LRRC47: variants seen among roughly 807,000 people sequenced by gnomAD.
LRRC47 encodes the protein leucine rich repeat containing 47.
A neutral mutation model predicts 40.9 loss-of-function variants in LRRC47; 31 were observed. That is an observed-to-expected ratio of 0.76 (90% CI 0.57 to 1.02). LRRC47 has a LOEUF of 1.02. LRRC47 is among the 50% of genes least tolerant of loss of function. LRRC47 has a pLI of 0.00. For synonymous variants in LRRC47, 427 were observed against 371.9 expected, an observed-to-expected ratio of 1.15 and a Z score of -1.70; for missense variants, 726 against 796.1, an observed-to-expected ratio of 0.91 and a Z score of 1.06.
At chr1:3,789,244 C>T (rs1643605122) in intron 1 of LRRC47, among the ~76,000 whole-genome samples, 1 of 152,270 alleles carries the variant, frequency 6.6e-6, no homozygotes, top group Admixed American at 6.5e-5. Flanking sequence ...TTAGAACCAG[C>T]CTGGGCCACC....
At position 3,780,369 on chromosome 1, in the gene LRRC47, T is replaced by C. The variant is rs1395389522; in HGVS notation, c.*719A>G. The C allele has an allele frequency of 1.3e-5, 2 of 152,176 alleles. No individual in the cohort carries two copies. The highest frequency in any genetic ancestry group is 1.9e-4 in the East Asian group (1 of 5,182). 9.4% of individuals were successfully genotyped at this position (152,176 alleles called of 1,614,324 possible). On this transcript the variant is annotated 3_prime_UTR_variant, in exon 7 of 7. Coordinates refer to ENST00000378251, the MANE Select transcript of LRRC47 (RefSeq NM_020710.3). ...ATTCCAAACACACTGCACGAGAATA[T>C]TGTGGATCCGCTGTCAGGTAAGTGT...
chr1:3,781,193 C>T lies in LRRC47; in HGVS notation c.1647G>A (p.Val549=), dbSNP rs1643516304. 6.2e-7 allele frequency: 1 copy of T among 1,614,044 alleles called. No individual in the cohort carries two copies. Among genetic ancestry groups the T allele is most frequent in the Non-Finnish European group, 8.5e-7 (1 of 1,180,032 alleles). The change falls in exon 7 of 7, where the codon GTG becomes GTA. Residue 549 remains valine (V), a synonymous_variant. Transcript: ENST00000378251. ...SAGKDGPSLL[V]VEQVRVVDLE... is the part of the protein sequence containing the mutation. ...GATCCACCACCCGGACCTGCTCCACCACCAGAAGGGAGGGCCCGTCCTTTC... is the reference window on the plus strand; with the variant it reads ...GATCCACCACCCGGACCTGCTCCACTACCAGAAGGGAGGGCCCGTCCTTTC...
Position 3,796,486 on chromosome 1 carries a change from G to A in LRRC47, c.-10C>T, listed in dbSNP as rs947911068. ...CCGCTGCCGCCGCCATGGCGCCTCA[G>A]CTGCTGGCAGGCACCCACCCACCAG... On this transcript the variant is annotated 5_prime_UTR_variant, in exon 1 of 7. Transcript: ENST00000378251. 62 of 1,502,898 alleles carry A rather than the reference G, an allele frequency of 4.1e-5. No homozygotes were observed. Among genetic ancestry groups the A allele is most frequent in the Non-Finnish European group, 5.1e-5 (58 of 1,134,692 alleles). The allele number at this position is 1,502,898 out of a possible 1,614,324, so 93.1% of individuals were successfully genotyped here. A position where few individuals can be genotyped will look rare whatever the true frequency, so the allele number is the denominator to read the frequency against.
intron 6 of LRRC47, 73 bp downstream of exon 6, chr1:3,781,439 G>A (rs552892606): frequency 1.8e-4 from 290 of 1,570,822 alleles, no homozygotes; most frequent in Non-Finnish European, 2.3e-4. Context: ...CAAGCAGGAC[G>A]GGTGGGAAGT....
chr1:3,784,787 G>A (rs1354245182), intron 3 of LRRC47, among the ~76,000 whole-genome samples: 1 of 152,238 alleles, frequency 6.6e-6, no homozygotes, highest in African/African-American at 2.4e-5. Context: ...CCTGAGGCCT[G>A]GAGTTTGAGA....
At position 3,796,468 on chromosome 1, in the gene LRRC47, C is replaced by G; in HGVS notation, c.9G>C (p.Ala3=). MA[A]AAVSESWPEL... is the part of the protein sequence containing the mutation. The stretch of plus-strand genomic sequence containing the variant: ...CCGGCCAAGACTCTGACACCGCTGC[C>G]GCCGCCATGGCGCCTCAGCTGCTGG... Residue 3 remains alanine, a synonymous_variant, in exon 1 of 7, where the codon GCG becomes GCC. Transcript: ENST00000378251. 1 of 1,508,460 alleles carries G rather than the reference C, an allele frequency of 6.6e-7. No individual in the cohort carries two copies. The highest frequency in any genetic ancestry group is 8.8e-7 in the Non-Finnish European group (1 of 1,137,248). The allele number at this position is 1,508,460 out of a possible 1,614,324, so 93.4% of individuals were successfully genotyped here.
chr1:3,779,509 A>C lies in LRRC47; in HGVS notation c.*1579T>G, dbSNP rs1205457231. 6.6e-6 allele frequency: 1 copy of C among 152,242 alleles called. No individual in the cohort carries two copies. Among genetic ancestry groups the C allele is most frequent in the South Asian group, 2.1e-4 (1 of 4,834 alleles). The allele number at this position is 152,242 out of a possible 1,614,324, so 9.4% of individuals were successfully genotyped here. A position where few individuals can be genotyped will look rare whatever the true frequency, so the allele number is the denominator to read the frequency against. On this transcript the variant is annotated 3_prime_UTR_variant, in exon 7 of 7. Coordinates refer to ENST00000378251, the MANE Select transcript of LRRC47 (RefSeq NM_020710.3). ...TGACTCCCGGGAGTGGTGTGCACGCACATGTGGTGCCTGGACATACACGAA... is the reference window on the plus strand; with the variant it reads ...TGACTCCCGGGAGTGGTGTGCACGCCCATGTGGTGCCTGGACATACACGAA...
rs1643503210 is a variant in LRRC47 at position 3,780,035 on chromosome 1, C to CA, written c.*1052dup. On this transcript the variant is annotated 3_prime_UTR_variant, in exon 7 of 7. Transcript: ENST00000378251. ...TTGCACATGCCAAGCTGCATCCTGG[C>CA]ATGATATGGTTTTACAAGATGCTGC... The CA allele has an allele frequency of 1.3e-5, 2 of 152,192 alleles. No homozygotes were observed. The highest frequency in any genetic ancestry group is 4.8e-5 in the African/African-American group (2 of 41,430). 9.4% of individuals were successfully genotyped at this position (152,192 alleles called of 1,614,324 possible). A position where few individuals can be genotyped will look rare whatever the true frequency, so the allele number is the denominator to read the frequency against.
chr1:3,795,030 G>A (rs1255915504), intron 1 of LRRC47, among the ~76,000 whole-genome samples: 1 of 144,468 alleles, frequency 6.9e-6, no homozygotes, highest in Non-Finnish European at 1.5e-5. Context: ...CTCCAGCCTG[G>A]GTGACAGGAC....
At position 3,796,319 on chromosome 1, in the gene LRRC47, T is replaced by G; in HGVS notation, c.158A>C (p.His53Pro). ...CCCGCAGCCGCTCACTTCCAAGTAG[T>G]GCAGCAGCGGCAGGGTGAAAAGCCG... ...PPRLFTLPLL[H>P]YLEVSGCGSL... is the part of the protein sequence containing the mutation. Residue 53 changes from histidine to proline, a missense_variant, in exon 1 of 7, where the codon CAC becomes CCC. Transcript: ENST00000378251. The G allele has an allele frequency of 6.6e-7, 1 of 1,507,486 alleles. No individual in the cohort carries two copies. Among genetic ancestry groups the G allele is most frequent in the Non-Finnish European group, 8.8e-7 (1 of 1,135,712 alleles). The allele number at this position is 1,507,486 out of a possible 1,614,324, so 93.4% of individuals were successfully genotyped here.
At chr1:3,793,538 C>G (rs1216500445) in intron 1 of LRRC47, among the ~76,000 whole-genome samples, 1 of 152,180 alleles carries the variant, frequency 6.6e-6, no homozygotes. Context: ...GATGGAGGAA[C>G]CTGAATTCTG....
chr1:3,787,746 A>AT lies in LRRC47; in HGVS notation c.616-437dup, dbSNP rs1404545106. ...GAAGCAGGTTCCCCAAAGTGGTGTT[A>AT]TTTTTTTTAATTAAATGAGCTAAAA... On this transcript the variant is annotated intron_variant, in intron 1 of 6. Transcript: ENST00000378251. Among the ~76,000 whole-genome samples the AT allele has an allele frequency of 3.3e-5, 5 of 152,040 alleles. No individual in the cohort carries two copies. In the East Asian group the frequency reaches 7.8e-4, roughly 24 times the overall value.
chr1:3,781,262 T>G lies in LRRC47; in HGVS notation c.1578A>C (p.Ala526=). ...TGGGATCTGGAAGTTGTCCAGAGACTGCATCGGCTTCAGTATCTGAGAGTG... is the reference window on the plus strand; with the variant it reads ...TGGGATCTGGAAGTTGTCCAGAGACGGCATCGGCTTCAGTATCTGAGAGTG... ...EGSLSDTEAD[A]VSGQLPDPTT... The change falls in exon 7 of 7, where the codon GCA becomes GCC. Residue 526 remains alanine (A), a synonymous_variant. Coordinates refer to ENST00000378251, the MANE Select transcript of LRRC47 (RefSeq NM_020710.3). 1 of 1,614,240 alleles carries G rather than the reference T, an allele frequency of 6.2e-7. No individual in the cohort carries two copies. The highest frequency in any genetic ancestry group is 8.5e-7 in the Non-Finnish European group (1 of 1,180,036).
At chr1:3,783,799 A>G in intron 4 of LRRC47, 197 bp downstream of exon 4, 2 of 579,412 alleles carry the variant, frequency 3.5e-6, no homozygotes, top group Non-Finnish European at 6.1e-6. Flanking sequence ...CACTTCCCTC[A>G]CGTCAGGGCC....
chr1:3,783,960 C>CG, intron 4 of LRRC47, 36 bp downstream of exon 4: 1 of 1,553,638 alleles, frequency 6.4e-7, no homozygotes. Context: ...GGCACTCCCC[C>CG]GGGCCCGGCC....
At chr1:3,792,289 G>C (rs1195663687) in intron 1 of LRRC47, among the ~76,000 whole-genome samples, 3 of 152,134 alleles carry the variant, frequency 2.0e-5, no homozygotes, top group Non-Finnish European at 4.4e-5. Flanking sequence ...TCTCCTGATA[G>C]AGAGCCACTG....
Position 3,787,270 on chromosome 1 carries a change from G to C in LRRC47, c.656C>G (p.Ala219Gly). ...LSNNQLSEIP[A>G]ELADCPKLKE... ...GAGCTTGGGGCAGTCCGCAAGCTCT[G>C]CAGGGATCTCGCTCAGCTGGTTGTT... Residue 219 changes from alanine (A) to glycine (G), a missense_variant, in exon 2 of 7, where the codon GCA becomes GGA. Coordinates refer to ENST00000378251, the MANE Select transcript of LRRC47 (RefSeq NM_020710.3). The C allele has an allele frequency of 6.2e-7, 1 of 1,613,172 alleles. No homozygotes were observed. Among genetic ancestry groups the C allele is most frequent in the South Asian group, 1.1e-5 (1 of 91,080 alleles).
intron 1 of LRRC47, among the ~76,000 whole-genome samples, chr1:3,787,647 G>T (rs867076977): frequency 6.6e-6 from 1 of 152,224 alleles, no homozygotes; most frequent in Non-Finnish European, 1.5e-5. Context: ...GAACAGAAAG[G>T]TGACAAGAGA....
At position 3,796,093 on chromosome 1, in the gene LRRC47, A is replaced by C. The variant is rs921951722; in HGVS notation, c.384T>G (p.Leu128=). ...QGLGPAEPPG[L]PQLQSLNLSG... Reference sequence around the variant, plus strand: ...TGAGGTTGAGGCTCTGCAGCTGCGGAAGGCCCGGCGGCTCGGCGGGGCCCA... The same window carrying C: ...TGAGGTTGAGGCTCTGCAGCTGCGGCAGGCCCGGCGGCTCGGCGGGGCCCA... The change falls in exon 1 of 7, where the codon CTT becomes CTG. Residue 128 remains leucine (L), a synonymous_variant. Coordinates refer to ENST00000378251, the MANE Select transcript of LRRC47 (RefSeq NM_020710.3). The C allele has an allele frequency of 1.3e-6, 2 of 1,482,972 alleles. No individual in the cohort carries two copies. The highest frequency in any genetic ancestry group is 1.5e-5 in the African/African-American group (1 of 68,234). 91.9% of individuals were successfully genotyped at this position (1,482,972 alleles called of 1,614,324 possible).
Sources: gnomAD v4.1 joint callset for allele counts (sites outside exome capture counted in the v4.1 genomes callset) on GRCh38, gnomAD v4.1.1 for gene constraint, MANE v1.5 for transcripts, NCBI Gene and HGNC (gene_info 2026-07-23, HGNC 2026-07-21) for gene names.